BAZ1B: variants seen among roughly 807,000 people sequenced by gnomAD.
The protein encoded by BAZ1B is tyrosine-protein kinase BAZ1B.
Under a neutral mutation model 153.8 loss-of-function variants are expected in BAZ1B, and 22 were observed. The observed-to-expected ratio is 0.14, with a 90% CI of 0.10 to 0.20. The LOEUF is 0.20. Ranked by LOEUF, BAZ1B falls within the 10% of genes least tolerant of loss-of-function variation. The probability of loss-of-function intolerance (pLI) is 1.00; values close to 1 mark genes in which losing one functional copy is unlikely to be tolerated. For missense variants in BAZ1B, 1,325 were observed against 1,799.3 expected (o/e 0.74, Z 4.77); for synonymous variants, 676 against 633.4 (o/e 1.07, Z -1.01).
intron 3 of BAZ1B, among the ~76,000 whole-genome samples, chr7:73,503,183 A>AATAT (rs1327566279): frequency 6.6e-6 from 1 of 152,172 alleles, no homozygotes; most frequent in Non-Finnish European, 1.5e-5. Flanking sequence ...TGCTTTCCAA[A>AATAT]ATATATGTGC....
rs1791091096 is a variant in BAZ1B at position 73,522,205 on chromosome 7, C to T, written c.-272G>A. On this transcript the variant is annotated 5_prime_UTR_variant, in exon 1 of 20. Transcript: ENST00000339594. ...GCTTCGGGTCCCGGCGGCCGGCAGT[C>T]ACGACTCCTCCTCAGCAGCACCGGA... 1 of 391,092 alleles carries T rather than the reference C, an allele frequency of 2.6e-6. No individual in the cohort carries two copies. Among genetic ancestry groups the T allele is most frequent in the Non-Finnish European group, 4.5e-6 (1 of 221,480 alleles). The allele number at this position is 391,092 out of a possible 1,614,324, so 24.2% of individuals were successfully genotyped here.
chr7:73,508,785 G>A (rs185033412), intron 2 of BAZ1B, among the ~76,000 whole-genome samples: 1,916 of 152,074 alleles, frequency 0.013, 42 homozygotes, highest in African/African-American at 0.044. Context: ...AGGCCGAGGC[G>A]GGTGGATCAC....
chr7:73,504,062 C>T (rs2116432738), intron 3 of BAZ1B, among the ~76,000 whole-genome samples: 1 of 152,348 alleles, frequency 6.6e-6, no homozygotes, highest in South Asian at 2.1e-4. Flanking sequence ...TCCCCAACTG[C>T]TGATAGGTAT....
rs1788716291 is a variant in BAZ1B at position 73,469,509 on chromosome 7, A to T, written c.2866+8T>A. 6.2e-6 allele frequency: 10 copies of T among 1,614,060 alleles called. No homozygotes were observed. In the Admixed American group the frequency reaches 1.7e-4, roughly 27 times the overall value. ...TGAAATAACTCTTAGATATACAGAT[A>T]TACTCACTGCGAGGACAGTAATCCT... is the stretch of plus-strand genomic sequence containing the variant. On this transcript the variant is annotated splice_region_variant and intron_variant, in intron 9 of 19. Coordinates refer to ENST00000339594, the MANE Select transcript of BAZ1B (RefSeq NM_032408.4).
intron 1 of BAZ1B, among the ~76,000 whole-genome samples, chr7:73,519,096 A>T (rs981931792): frequency 2.0e-5 from 3 of 152,166 alleles, no homozygotes; most frequent in Non-Finnish European, 4.4e-5. Flanking sequence ...TTTAACACCT[A>T]GTCATTAAAT....
chr7:73,480,064 G>A (rs992424047), intron 6 of BAZ1B, among the ~76,000 whole-genome samples: 1 of 151,648 alleles, frequency 6.6e-6, no homozygotes. Context: ...AGCTACTTGG[G>A]AGACTGAGGC....
At position 73,490,767 on chromosome 7, in the gene BAZ1B, G is replaced by A. The variant is rs1245945901; in HGVS notation, c.694-1376C>T. Among the ~76,000 whole-genome samples, 7 of 151,520 alleles carry A rather than the reference G, an allele frequency of 4.6e-5. No homozygotes were observed. The South Asian group carries it at 6.2e-4, about 13-fold the overall frequency. On this transcript the variant is annotated intron_variant, in intron 5 of 19. Transcript: ENST00000339594. ...ATTACAGGCATGTGCCACCACGCCC[G>A]GCTAATTTTGTATTTTTAGTAGAGA...
chr7:73,447,310 T>TTCC lies in BAZ1B; in HGVS notation c.3795_3797dup (p.Glu1273dup), dbSNP rs782060109. The TTCC allele has an allele frequency of 5.0e-6, 8 of 1,609,212 alleles. No homozygotes were observed. The highest frequency in any genetic ancestry group is 2.2e-5 in the East Asian group (1 of 44,882). On this transcript the variant is annotated inframe_insertion, in exon 16 of 20. Transcript: ENST00000339594. Reference sequence around the variant, plus strand: ...AATCTTCTTCCTCCTCCTCCTCTTCTTCCTCCTCCTCCTCTTCATCACTCT... The same window carrying TTCC: ...AATCTTCTTCCTCCTCCTCCTCTTCTTCCTCCTCCTCCTCCTCTTCATCACTCT...
intron 7 of BAZ1B, among the ~76,000 whole-genome samples, chr7:73,474,182 G>C (rs1788916344): frequency 6.6e-6 from 1 of 152,074 alleles, no homozygotes; most frequent in Non-Finnish European, 1.5e-5. Context: ...CATTCAATGG[G>C]GAAAGGTTTG....
At chr7:73,497,435 G>A (rs1789959552) in intron 4 of BAZ1B, among the ~76,000 whole-genome samples, 1 of 152,116 alleles carries the variant, frequency 6.6e-6, no homozygotes, top group South Asian at 2.1e-4. Flanking sequence ...TCTTGACTGA[G>A]AATGGTGCCA....
At chr7:73,449,301 G>T (rs1787947101) in intron 15 of BAZ1B, among the ~76,000 whole-genome samples, 1 of 152,150 alleles carries the variant, frequency 6.6e-6, no homozygotes, top group South Asian at 2.1e-4. Flanking sequence ...TACTTGAGAA[G>T]AAGGTATGAT....
At chr7:73,468,490 A>G (rs1437190039) in intron 9 of BAZ1B, among the ~76,000 whole-genome samples, 1 of 152,148 alleles carries the variant, frequency 6.6e-6, no homozygotes, top group Non-Finnish European at 1.5e-5. Context: ...TAACCTAACC[A>G]TCTTATTTTT....
At chr7:73,518,011 G>C (rs1790880512) in intron 1 of BAZ1B, among the ~76,000 whole-genome samples, 1 of 152,108 alleles carries the variant, frequency 6.6e-6, no homozygotes, top group African/African-American at 2.4e-5. Context: ...CTTTTTACTC[G>C]ATATTCTCTC....
At chr7:73,498,213 G>T (rs1266303514) in intron 4 of BAZ1B, among the ~76,000 whole-genome samples, 2 of 152,068 alleles carry the variant, frequency 1.3e-5, no homozygotes, top group Non-Finnish European at 2.9e-5. Flanking sequence ...ACCCTCCTCA[G>T]CCTCCCAAAG....
At chr7:73,447,173 G>A (rs1382503756) in intron 16 of BAZ1B, 91 bp downstream of exon 16, 18 of 1,607,566 alleles carry the variant, frequency 1.1e-5, no homozygotes, top group Middle Eastern at 2.2e-4. Context: ...AGGGCAAGCC[G>A]GCCACACTAC....
intron 16 of BAZ1B, among the ~76,000 whole-genome samples, chr7:73,446,547 A>C (rs964752265): frequency 1.3e-4 from 14 of 109,390 alleles, no homozygotes; most frequent in Admixed American, 9.7e-5. Context: ...AGACCATCTC[A>C]AAAAAAAAAA....
At position 73,521,960 on chromosome 7, in the gene BAZ1B, G is replaced by C. The variant is rs566276677; in HGVS notation, c.-27C>G. ...GCGGCGGCGGCGGTGGGGACTGGCGGCTGCTGGGGCCGGCCCCGCGGCGCA... is the reference window on the plus strand; with the variant it reads ...GCGGCGGCGGCGGTGGGGACTGGCGCCTGCTGGGGCCGGCCCCGCGGCGCA... On this transcript the variant is annotated 5_prime_UTR_variant, in exon 1 of 20. Transcript: ENST00000339594. 3.5e-6 allele frequency: 5 copies of C among 1,415,990 alleles called. No individual in the cohort carries two copies. The highest frequency in any genetic ancestry group is 1.5e-5 in the African/African-American group (1 of 66,446). 87.7% of individuals were successfully genotyped at this position (1,415,990 alleles called of 1,614,324 possible).
chr7:73,492,959 A>G (rs782593198), intron 4 of BAZ1B, 38 bp from the exon 5 acceptor site: 2 of 1,564,074 alleles, frequency 1.3e-6, no homozygotes, highest in Non-Finnish European at 1.7e-6. Flanking sequence ...AAACGTAATT[A>G]TTTTAATCCT....
At chr7:73,482,840 A>C (rs1041670657) in intron 6 of BAZ1B, among the ~76,000 whole-genome samples, 10 of 152,132 alleles carry the variant, frequency 6.6e-5, no homozygotes, top group Non-Finnish European at 1.2e-4. Flanking sequence ...GAACTCACCC[A>C]ACCCCCTCCC....
Sources: gnomAD v4.1 joint callset for allele counts (sites outside exome capture counted in the v4.1 genomes callset) on GRCh38, gnomAD v4.1.1 for gene constraint, MANE v1.5 for transcripts, NCBI Gene and HGNC (gene_info 2026-07-23, HGNC 2026-07-21) for gene names.